The following MAP3K20 variants were observed in gnomAD, a reference collection of about 807,000 sequenced individuals.
MAP3K20 encodes mitogen-activated protein kinase kinase kinase 20, also known as HCCS-4.
In MAP3K20, 40 loss-of-function variants were observed where a neutral mutation model predicts 85.7. The ratio of observed to expected loss-of-function variants is 0.47; its 90% CI spans 0.36 to 0.61. The LOEUF (loss-of-function observed/expected upper bound fraction) is 0.61. Ranked by LOEUF, MAP3K20 falls within the 20% of genes least tolerant of loss-of-function variation. The pLI, the probability that MAP3K20 is intolerant of heterozygous loss-of-function variation, is 0.00. For synonymous variants in MAP3K20, 325 were observed against 327.7 expected, an observed-to-expected ratio of 0.99 and a Z score of 0.09; for missense variants, 817 against 961.7, an observed-to-expected ratio of 0.85 and a Z score of 1.99.
At chr2:173,247,700 C>T (rs1684950402) in intron 16 of MAP3K20, among the ~76,000 whole-genome samples, 1 of 152,092 alleles carries the variant, frequency 6.6e-6, no homozygotes. Flanking sequence ...GTTAAGCATT[C>T]TTATAAAAAT....
intron 2 of MAP3K20, among the ~76,000 whole-genome samples, chr2:173,127,981 C>T (rs1688492507): frequency 1.3e-5 from 2 of 152,130 alleles, no homozygotes; most frequent in African/African-American, 2.4e-5. Flanking sequence ...TCTAGACCTT[C>T]GTACCTGCCA....
At chr2:173,250,369 A>G (rs1350386503) in intron 16 of MAP3K20, among the ~76,000 whole-genome samples, 1 of 152,252 alleles carries the variant, frequency 6.6e-6, no homozygotes, top group African/African-American at 2.4e-5. Flanking sequence ...TGGAAAGAGA[A>G]CACAGCAGGG....
At chr2:173,242,490 AAG>A (rs1248229486) in intron 16 of MAP3K20, among the ~76,000 whole-genome samples, 13 of 152,138 alleles carry the variant, frequency 8.5e-5, no homozygotes, top group Admixed American at 1.3e-4. Context: ...TCAATTAAAA[AAG>A]AAATAATTTA....
chr2:173,249,786 A>G (rs926399799), intron 16 of MAP3K20, among the ~76,000 whole-genome samples: 2 of 152,206 alleles, frequency 1.3e-5, no homozygotes, highest in Non-Finnish European at 2.9e-5. Flanking sequence ...AATTTCAAAT[A>G]CAGTTAAGGG....
intron 2 of MAP3K20, among the ~76,000 whole-genome samples, chr2:173,117,104 A>G (rs906968419): frequency 3.3e-5 from 5 of 152,276 alleles, no homozygotes; most frequent in Non-Finnish European, 5.9e-5. Flanking sequence ...CATGTAGTGT[A>G]TAATTTTAAT....
intron 10 of MAP3K20, among the ~76,000 whole-genome samples, chr2:173,213,420 GC>G (rs1683973743): frequency 1.3e-5 from 2 of 152,338 alleles, no homozygotes; most frequent in East Asian, 3.9e-4. Context: ...AGTTTGAGAA[GC>G]AGTAGAGCTG....
chr2:173,129,284 A>G (rs1688540002), intron 2 of MAP3K20, among the ~76,000 whole-genome samples: 1 of 152,204 alleles, frequency 6.6e-6, no homozygotes, highest in Non-Finnish European at 1.5e-5. Flanking sequence ...ATACTTACTA[A>G]CAGTTTTTTG....
intron 2 of MAP3K20, among the ~76,000 whole-genome samples, chr2:173,110,719 T>C (rs1186304590): frequency 6.6e-6 from 1 of 152,154 alleles, no homozygotes; most frequent in African/African-American, 2.4e-5. Flanking sequence ...AATAATCTCC[T>C]CCAATCTCAT....
intron 2 of MAP3K20, chr2:173,166,469 A>T (rs1232474082): frequency 7.3e-6 from 1 of 137,392 alleles, no homozygotes; most frequent in Non-Finnish European, 1.6e-5. Context: ...TTTATATAGA[A>T]AATTTTAGTC....
intron 1 of MAP3K20, among the ~76,000 whole-genome samples, chr2:173,081,971 T>C (rs1242757846): frequency 1.3e-5 from 2 of 151,980 alleles, no homozygotes; most frequent in Admixed American, 6.6e-5. Flanking sequence ...CACTCACTAC[T>C]AAAGAGGGTG....
At chr2:173,125,777 C>G (rs1688424069) in intron 2 of MAP3K20, among the ~76,000 whole-genome samples, 2 of 152,218 alleles carry the variant, frequency 1.3e-5, no homozygotes, top group East Asian at 3.9e-4. Context: ...ATTCTCCTGC[C>G]TCAGTCTCCT....
intron 2 of MAP3K20, among the ~76,000 whole-genome samples, chr2:173,093,461 G>A (rs1687360873): frequency 6.6e-6 from 1 of 152,164 alleles, no homozygotes; most frequent in Admixed American, 6.5e-5. Context: ...CTTTGTTTAT[G>A]TGAGAGGAGA....
chr2:173,099,084 C>T (rs1043944117), intron 2 of MAP3K20, among the ~76,000 whole-genome samples: 12 of 152,218 alleles, frequency 7.9e-5, no homozygotes, highest in Admixed American at 6.5e-4. Context: ...CAAAAAGTGG[C>T]GGAGAGGTTT....
chr2:173,101,842 T>G (rs888411040), intron 2 of MAP3K20, among the ~76,000 whole-genome samples: 1 of 152,202 alleles, frequency 6.6e-6, no homozygotes, highest in Admixed American at 6.5e-5. Context: ...TACCCAAGAA[T>G]AGAGGCCATG....
chr2:173,266,147 GTTC>G lies in MAP3K20; in HGVS notation c.1805_1807del (p.Phe602del), dbSNP rs1685414675. On this transcript the variant is annotated inframe_deletion, in exon 20 of 20. Coordinates refer to ENST00000375213, the MANE Select transcript of MAP3K20 (RefSeq NM_016653.3). ...AGAGCAATCCTATTCTGGGGTCACCGTTCTTCTCACACTTTGATGGCCAGGATT... is the reference window on the plus strand; with the variant it reads ...AGAGCAATCCTATTCTGGGGTCACCGTTCTCACACTTTGATGGCCAGGATT... The G allele has an allele frequency of 1.2e-6, 2 of 1,613,860 alleles. No individual in the cohort carries two copies. The highest frequency in any genetic ancestry group is 1.1e-5 in the South Asian group (1 of 91,018).
At chr2:173,259,854 A>T (rs1227103885) in intron 17 of MAP3K20, among the ~76,000 whole-genome samples, 2 of 152,206 alleles carry the variant, frequency 1.3e-5, no homozygotes, top group African/African-American at 2.4e-5. Flanking sequence ...TGAAGACTGG[A>T]AAGATATTTC....
At chr2:173,200,271 G>A (rs963747284) in intron 8 of MAP3K20, among the ~76,000 whole-genome samples, 4 of 152,136 alleles carry the variant, frequency 2.6e-5, no homozygotes, top group African/African-American at 9.7e-5. Context: ...CCTCACAAAT[G>A]GAGGTATCCA....
chr2:173,215,422 C>T (rs1221273955), intron 10 of MAP3K20, among the ~76,000 whole-genome samples: 2 of 151,936 alleles, frequency 1.3e-5, no homozygotes, highest in Non-Finnish European at 2.9e-5. Flanking sequence ...ACTTTGTTTA[C>T]GTGCATAGGC....
At position 173,247,410 on chromosome 2, in the gene MAP3K20, A is replaced by G. The variant is rs1379016489; in HGVS notation, c.1359+7914A>G. On this transcript the variant is annotated intron_variant, in intron 16 of 19. Transcript: ENST00000375213. ...GAATAAAATAACAGGGCACAAAGAA[A>G]AGGATTTTGTAAGTATAAAGCCAAC... 2.6e-5 allele frequency among the ~76,000 whole-genome samples: 4 copies of G among 152,224 alleles called. No individual in the cohort carries two copies. In the East Asian group the frequency reaches 7.7e-4, roughly 29 times the overall value.
Sources: gnomAD v4.1 joint callset for allele counts (sites outside exome capture counted in the v4.1 genomes callset) on GRCh38, gnomAD v4.1.1 for gene constraint, MANE v1.5 for transcripts, NCBI Gene and HGNC (gene_info 2026-07-23, HGNC 2026-07-21) for gene names.